The following ENPEP variants were observed in gnomAD, a reference collection of about 807,000 sequenced individuals.
ENPEP encodes AP-A.
A neutral mutation model predicts 114.5 loss-of-function variants in ENPEP; 103 were observed. The observed-to-expected ratio is 0.90, with a 90% CI of 0.77 to 1.06. The LOEUF (loss-of-function observed/expected upper bound fraction) is 1.06. Among genes scored for constraint, ENPEP ranks in the 50% least tolerant of loss-of-function variants. ENPEP has a pLI of 0.00. For missense variants in ENPEP, 1,196 were observed against 1,161.3 expected (o/e 1.03, Z -0.43); for synonymous variants, 420 against 422.0 (o/e 1.00, Z 0.06).
At chr4:110,510,176 T>A in intron 5 of ENPEP, 69 bp from the exon 6 acceptor site, 2 of 1,293,376 alleles carry the variant, frequency 1.5e-6, no homozygotes, top group Non-Finnish European at 2.2e-6. Context: ...ATAAATGTTT[T>A]GACATTTTCT....
rs537179870 is a variant in ENPEP, at chr4:110,555,635, T to A, written c.2642+2180T>A. Among the ~76,000 whole-genome samples the A allele has an allele frequency of 2.0e-5, 3 of 152,068 alleles. No individual in the cohort carries two copies. In the South Asian group the frequency reaches 6.2e-4, roughly 32 times the overall value. ...AAGTTGAGTTGACCCAATAATAAGG[T>A]GGTGTGATTTTAGTTTATGACAGTA... On this transcript the variant is annotated intron_variant, in intron 18 of 19. Coordinates refer to ENST00000265162, the MANE Select transcript of ENPEP (RefSeq NM_001977.4).
At position 110,561,688 on chromosome 4, in the gene ENPEP, A is replaced by C; in HGVS notation, c.*130A>C. 1 of 850,284 alleles carries C rather than the reference A, an allele frequency of 1.2e-6. No individual in the cohort carries two copies. Among genetic ancestry groups the C allele is most frequent in the Non-Finnish European group, 1.8e-6 (1 of 564,688 alleles). 52.7% of individuals were successfully genotyped at this position (850,284 alleles called of 1,614,324 possible). A position where few individuals can be genotyped will look rare whatever the true frequency, so the allele number is the denominator to read the frequency against. ...AATGCTTTTACTAAGCACTGTGTTT[A>C]TATGTCTTGCAAAGCCTTTAAATTG... On this transcript the variant is annotated 3_prime_UTR_variant, in exon 20 of 20. Transcript: ENST00000265162.
chr4:110,498,673 T>C (rs1012318485), intron 3 of ENPEP, among the ~76,000 whole-genome samples: 1 of 152,164 alleles, frequency 6.6e-6, no homozygotes, highest in African/African-American at 2.4e-5. Flanking sequence ...GGTGGAATCA[T>C]GCAGGGCCCT....
chr4:110,499,455 C>A (rs1315147900), intron 3 of ENPEP, among the ~76,000 whole-genome samples: 1 of 152,126 alleles, frequency 6.6e-6, no homozygotes, highest in Admixed American at 6.6e-5. Context: ...CTCATGTATA[C>A]AATGAGGAAG....
At chr4:110,481,801 G>A (rs191579521) in intron 1 of ENPEP, among the ~76,000 whole-genome samples, 1 of 152,268 alleles carries the variant, frequency 6.6e-6, no homozygotes, top group Admixed American at 6.5e-5. Context: ...TTGACAGGAA[G>A]TACAACCGGA....
chr4:110,501,058 A>G (rs1725135444), intron 3 of ENPEP, among the ~76,000 whole-genome samples: 1 of 152,178 alleles, frequency 6.6e-6, no homozygotes. Context: ...ACCATGTTGG[A>G]GCTTTAAACG....
At chr4:110,492,518 C>G (rs111820126) in intron 3 of ENPEP, among the ~76,000 whole-genome samples, 1 of 152,134 alleles carries the variant, frequency 6.6e-6, no homozygotes, top group Non-Finnish European at 1.5e-5. Flanking sequence ...CTGCCTATAC[C>G]GTATACAAAT....
At chr4:110,482,229 AAG>A (rs1428075177) in intron 1 of ENPEP, among the ~76,000 whole-genome samples, 1 of 152,212 alleles carries the variant, frequency 6.6e-6, no homozygotes, top group Non-Finnish European at 1.5e-5. Flanking sequence ...CAGGATAGAG[AAG>A]AGAGGGCACA....
chr4:110,559,595 T>C, intron 18 of ENPEP, 52 bp from the exon 19 acceptor site: 1 of 1,247,540 alleles, frequency 8.0e-7, no homozygotes, highest in Admixed American at 1.9e-5. Context: ...TTAGAGAAAA[T>C]ATGTAACATT....
At chr4:110,491,237 T>A in intron 3 of ENPEP, 73 bp downstream of exon 3, 1 of 653,368 alleles carries the variant, frequency 1.5e-6, no homozygotes, top group South Asian at 3.9e-5. Flanking sequence ...TTTGGGTAGT[T>A]TTTTTTTTTT....
intron 10 of ENPEP, among the ~76,000 whole-genome samples, chr4:110,530,500 C>T (rs1436128113): frequency 6.6e-6 from 1 of 151,820 alleles, no homozygotes; most frequent in African/African-American, 2.4e-5. Flanking sequence ...TAAGAACAAA[C>T]CAAAAAAAAT....
chr4:110,544,371 A>G (rs907359134), intron 13 of ENPEP, among the ~76,000 whole-genome samples: 2 of 152,064 alleles, frequency 1.3e-5, no homozygotes, highest in Non-Finnish European at 2.9e-5. Context: ...AGTAGTGAAG[A>G]TGCGTTTAGA....
At position 110,513,568 on chromosome 4, in the gene ENPEP, T is replaced by A. The variant is rs202242989; in HGVS notation, c.1443+19T>A. Reference sequence around the variant, plus strand: ...TAGCAAGGTGGGAGAAATAGAACATTGTTTTGAACATCTTCCTGTTTAGTG... The same window carrying A: ...TAGCAAGGTGGGAGAAATAGAACATAGTTTTGAACATCTTCCTGTTTAGTG... On this transcript the variant is annotated intron_variant, in intron 7 of 19. Coordinates refer to ENST00000265162, the MANE Select transcript of ENPEP (RefSeq NM_001977.4). The A allele has an allele frequency of 1.2e-5, 19 of 1,609,842 alleles. No homozygotes were observed. The East Asian group carries it at 4.2e-4, about 36-fold the overall frequency.
chr4:110,511,436 A>C (rs1386566344), intron 6 of ENPEP, among the ~76,000 whole-genome samples: 4 of 152,128 alleles, frequency 2.6e-5, no homozygotes, highest in African/African-American at 9.7e-5. Context: ...ACATATTTCC[A>C]GCTGTCTCGT....
chr4:110,501,045 G>A (rs1725135142), intron 3 of ENPEP, among the ~76,000 whole-genome samples: 1 of 152,164 alleles, frequency 6.6e-6, no homozygotes, highest in South Asian at 2.1e-4. Context: ...ACGGATTACA[G>A]AAACCATGTT....
chr4:110,550,060 A>G (rs917191857), intron 17 of ENPEP, among the ~76,000 whole-genome samples, 174 bp downstream of exon 17: 2 of 152,122 alleles, frequency 1.3e-5, no homozygotes, highest in Non-Finnish European at 2.9e-5. Flanking sequence ...CAATAAGGAA[A>G]TGTAATCTCA....
At chr4:110,516,359 T>C (rs1725768743) in intron 8 of ENPEP, among the ~76,000 whole-genome samples, 1 of 152,226 alleles carries the variant, frequency 6.6e-6, no homozygotes, top group Non-Finnish European at 1.5e-5. Context: ...TTATTTTTAA[T>C]TTTATCAAAG....
At chr4:110,541,085 T>C (rs1726830481) in intron 11 of ENPEP, among the ~76,000 whole-genome samples, 1 of 152,136 alleles carries the variant, frequency 6.6e-6, no homozygotes, top group Non-Finnish European at 1.5e-5. Context: ...AATGTACAGA[T>C]GCCAAAAGAT....
chr4:110,503,868 C>T (rs1725256335), intron 3 of ENPEP, among the ~76,000 whole-genome samples: 2 of 152,196 alleles, frequency 1.3e-5, no homozygotes, highest in African/African-American at 4.8e-5. Context: ...GAAGTTTGGG[C>T]TATGATCCAG....
Sources: gnomAD v4.1 joint callset for allele counts (sites outside exome capture counted in the v4.1 genomes callset) on GRCh38, gnomAD v4.1.1 for gene constraint, MANE v1.5 for transcripts, NCBI Gene and HGNC (gene_info 2026-07-23, HGNC 2026-07-21) for gene names.